Variants in LAMB2 observed in about 807,000 individuals in gnomAD.
LAMB2 encodes the protein laminin subunit beta 2, also known as laminin subunit beta-2.
A neutral mutation model predicts 202.7 loss-of-function variants in LAMB2; 119 were observed. That is an observed-to-expected ratio of 0.59 (90% CI 0.51 to 0.68). The LOEUF is 0.68. Ranked by LOEUF, LAMB2 falls within the 30% of genes least tolerant of loss-of-function variation. The probability of loss-of-function intolerance (pLI) is 0.00; values close to 1 mark genes in which losing one functional copy is unlikely to be tolerated. For missense variants in LAMB2, 2,124 were observed against 2,410.6 expected, an observed-to-expected ratio of 0.88 and a Z score of 2.49; for synonymous variants, 818 against 902.2, an observed-to-expected ratio of 0.91 and a Z score of 1.67.
Position 49,122,891 on chromosome 3 carries a change from C to A in LAMB2, c.4386G>T (p.Glu1462Asp), listed in dbSNP as rs774693642. ...CACCTTCTGCCAGTGCCCGCTGCAG[C>A]TCTGCCTGTGTGTGCCGGGCCCGGC... ...ALGRARHTQA[E>D]LQRALAEGGS... The change falls in exon 27 of 32, where the codon GAG (glutamate) becomes GAT (aspartate). Residue 1462 changes from glutamate (E) to aspartate (D), a missense_variant. Transcript: ENST00000305544. The A allele has an allele frequency of 1.9e-6, 3 of 1,610,164 alleles. No individual in the cohort carries two copies. In the South Asian group the frequency reaches 3.3e-5, roughly 18 times the overall value.
At position 49,123,495 on chromosome 3, in the gene LAMB2, G is replaced by T; in HGVS notation, c.3934C>A (p.Arg1312=). 6.2e-7 allele frequency: 1 copy of T among 1,614,154 alleles called. No homozygotes were observed. Among genetic ancestry groups the T allele is most frequent in the Non-Finnish European group, 8.5e-7 (1 of 1,180,042 alleles). ...AAGTCAAGATGCTGGTCGAGCTGCCGCAGTGTGAGATTAAGTGCAAGCCTA... is the reference window on the plus strand; with the variant it reads ...AAGTCAAGATGCTGGTCGAGCTGCCTCAGTGTGAGATTAAGTGCAAGCCTA... The part of the protein sequence containing the change: ...RDRLALNLTL[R]QLDQHLDLLK... The change falls in exon 25 of 32, where the codon CGG becomes AGG. Residue 1312 remains arginine (R), a synonymous_variant. Coordinates refer to ENST00000305544, the MANE Select transcript of LAMB2 (RefSeq NM_002292.4).
In LAMB2 at chr3:49,124,964, A is replaced by T. The variant is rs750117203; in HGVS notation, c.2885-39T>A. On this transcript the variant is annotated intron_variant, in intron 20 of 31. Coordinates refer to ENST00000305544, the MANE Select transcript of LAMB2 (RefSeq NM_002292.4). ...AGAGGAAGCTGTGAGTGCTCAGCCC[A>T]GCCAACTCACCCTGATCCCACGCCT... is the stretch of plus-strand genomic sequence containing the variant. 1.9e-6 allele frequency: 3 copies of T among 1,613,918 alleles called. No individual in the cohort carries two copies. In the East Asian group the frequency reaches 6.7e-5, roughly 36 times the overall value.
At position 49,131,702 on chromosome 3, in the gene LAMB2, G is replaced by C; in HGVS notation, c.481C>G (p.Leu161Val). The change falls in exon 5 of 32, where the codon CTG (leucine) becomes GTG (valine). Residue 161 changes from leucine to valine, a missense_variant. Transcript: ENST00000305544. The surrounding 1 kb of genome is among the most constrained non-coding windows in gnomAD (Gnocchi z 5.0). ...TFKTFRPAAM[L>V]VERSADFGRT... Reference sequence around the variant, plus strand: ...CCAAAGTCTGCTGAGCGTTCCACCAGCATGGCAGCAGGGCGAAATGTCTGG... The same window carrying C: ...CCAAAGTCTGCTGAGCGTTCCACCACCATGGCAGCAGGGCGAAATGTCTGG... The C allele has an allele frequency of 6.2e-7, 1 of 1,613,432 alleles. No homozygotes were observed. Among genetic ancestry groups the C allele is most frequent in the East Asian group, 2.2e-5 (1 of 44,878 alleles).
rs763809676 is a variant in LAMB2 at position 49,123,896 on chromosome 3, C to T, written c.3629G>A (p.Arg1210His). Residue 1210 changes from arginine to histidine, a missense_variant, in exon 24 of 32, where the codon CGC becomes CAC. Coordinates refer to ENST00000305544, the MANE Select transcript of LAMB2 (RefSeq NM_002292.4). ...CAACTCCTGCGCCCGCTGCTCTAGGCGCTGTGTACGGGCTGCCAAGTCCTG... is the reference window on the plus strand; with the variant it reads ...CAACTCCTGCGCCCGCTGCTCTAGGTGCTGTGTACGGGCTGCCAAGTCCTG... ...VVQDLAARTQRLEQRAQELQQ... is the reference protein window; with the variant it reads ...VVQDLAARTQHLEQRAQELQQ... 1.1e-5 allele frequency: 18 copies of T among 1,613,442 alleles called. No homozygotes were observed. The highest frequency in any genetic ancestry group is 1.2e-5 in the Non-Finnish European group (14 of 1,180,026).
Position 49,121,790 on chromosome 3 carries a change from G to A in LAMB2, c.4994C>T (p.Ala1665Val). 3 of 1,613,324 alleles carry A rather than the reference G, an allele frequency of 1.9e-6. No individual in the cohort carries two copies. Among genetic ancestry groups the A allele is most frequent in the Non-Finnish European group, 2.5e-6 (3 of 1,180,038 alleles). Residue 1665 changes from alanine to valine, a missense_variant, in exon 30 of 32, where the codon GCT becomes GTT. Ala to Val is a moderately conservative substitution (Grantham distance 64). This residue lies in a region of LAMB2 where 1,702 missense variants were observed against 1,896.3 expected (regional missense o/e 0.90). Transcript: ENST00000305544. The stretch of plus-strand genomic sequence containing the variant: ...TTTCAATTTCAGAGCCTCCAGGAGA[G>A]CATCCAACTGCCGAGCCCTTTCACC... ...SAGERARQLD[A>V]LLEALKLKRA...
At chr3:49,125,543 TG>T in intron 18 of LAMB2, 59 bp from the exon 19 acceptor site, 1 of 818,654 alleles carries the variant, frequency 1.2e-6, no homozygotes, top group Non-Finnish European at 1.8e-6. Context: ...GGAGTGTGGG[TG>T]GGGGAGGGTC....
intron 13 of LAMB2, 92 bp from the exon 14 acceptor site, chr3:49,128,911 C>A (rs1338028506): frequency 1.3e-6 from 2 of 1,597,764 alleles, no homozygotes; most frequent in East Asian, 4.5e-5. Flanking sequence ...CCTGCCAAAG[C>A]TAGATATCAC....
chr3:49,124,359 C>T lies in LAMB2; in HGVS notation c.3327+36G>A, dbSNP rs972093139. The T allele has an allele frequency of 8.7e-6, 14 of 1,612,370 alleles. No individual in the cohort carries two copies. In the African/African-American group the frequency reaches 1.9e-4, roughly 22 times the overall value. On this transcript the variant is annotated intron_variant, in intron 22 of 31. Transcript: ENST00000305544. ...CCTGGAGATAAGACAGACACCTGGC[C>T]CCATCTAACCAGGGATCTGCAGGAG...
At chr3:49,125,681 G>A in intron 18 of LAMB2, 66 bp downstream of exon 18, 2 of 1,587,336 alleles carry the variant, frequency 1.3e-6, no homozygotes, top group Non-Finnish European at 1.7e-6. Context: ...AGGTCCAGAA[G>A]GAGGAGAGAG....
chr3:49,122,952 C>T lies in LAMB2; in HGVS notation c.4325G>A (p.Cys1442Tyr), dbSNP rs1224302695. The T allele has an allele frequency of 8.1e-6, 13 of 1,608,804 alleles. No individual in the cohort carries two copies. The highest frequency in any genetic ancestry group is 1.6e-4 in the Middle Eastern group (1 of 6,084). The change falls in exon 27 of 32, where the codon TGC (cysteine) becomes TAC (tyrosine). Residue 1442 changes from cysteine (C) to tyrosine (Y), a missense_variant. This residue lies in a region of LAMB2 where 1,702 missense variants were observed against 1,896.3 expected (regional missense o/e 0.90). Coordinates refer to ENST00000305544, the MANE Select transcript of LAMB2 (RefSeq NM_002292.4). ...GTCTGCTGTAGCCGCTGCCCCATTG[C>T]AGCTGAGGCCCCCACAGCGCGGCTG... Reference protein sequence around the residue: ...DGQPRCGGLSCNGAAATADLA... With the variant: ...DGQPRCGGLSYNGAAATADLA...
chr3:49,131,250 T>C lies in LAMB2; in HGVS notation c.713-98A>G. 6.8e-7 allele frequency: 1 copy of C among 1,465,742 alleles called. No individual in the cohort carries two copies. The highest frequency in any genetic ancestry group is 1.2e-5 in the South Asian group (1 of 86,152). The allele number at this position is 1,465,742 out of a possible 1,614,324, so 90.8% of individuals were successfully genotyped here. On this transcript the variant is annotated intron_variant, in intron 6 of 31. Coordinates refer to ENST00000305544, the MANE Select transcript of LAMB2 (RefSeq NM_002292.4). This position sits in a 1 kb window ranked among gnomAD's most constrained non-coding sequence, Gnocchi z 5.0. ...GCCAAGGTCACCTTGAAAGACCTCC[T>C]ATACACTGCCACCCGAGCTAAACTG...
rs373720031 is a variant in LAMB2, at chr3:49,128,836, C to T, written c.1732-17G>A. On this transcript the variant is annotated splice_polypyrimidine_tract_variant and intron_variant, in intron 13 of 31. Coordinates refer to ENST00000305544, the MANE Select transcript of LAMB2 (RefSeq NM_002292.4). ...ATCGAGCACCTGGGAGATAATGCAG[C>T]CAGGGATGGAGGCTCAGGTGAGGCT... is the stretch of plus-strand genomic sequence containing the variant. 21 of 1,610,172 alleles carry T rather than the reference C, an allele frequency of 1.3e-5. No homozygotes were observed. The highest frequency in any genetic ancestry group is 1.5e-5 in the Non-Finnish European group (18 of 1,177,440).
At chr3:49,128,424 CT>C in intron 15 of LAMB2, 33 bp downstream of exon 15, 1 of 1,609,180 alleles carries the variant, frequency 6.2e-7, no homozygotes, top group Non-Finnish European at 8.5e-7. Flanking sequence ...CCACAACCCC[CT>C]GCCATTGTGA....
chr3:49,129,697 C>A lies in LAMB2; in HGVS notation c.1425G>T (p.Arg475=), dbSNP rs2045460445. 1.2e-6 allele frequency: 2 copies of A among 1,613,988 alleles called. No individual in the cohort carries two copies. Among genetic ancestry groups the A allele is most frequent in the African/African-American group, 2.7e-5 (2 of 75,034 alleles). ...LGCRRCQCNA[R]GTVPGSTPCD... Reference sequence around the variant, plus strand: ...AAGGAGTGCTCCCAGGCACTGTGCCCCGTGCATTACATTGACATCCTGCAG... The same window carrying A: ...AAGGAGTGCTCCCAGGCACTGTGCCACGTGCATTACATTGACATCCTGCAG... Residue 475 remains arginine, a synonymous_variant, in exon 11 of 32, where the codon CGG becomes CGT. Transcript: ENST00000305544. This position sits in a 1 kb window ranked among gnomAD's most constrained non-coding sequence, Gnocchi z 6.1.
chr3:49,125,099 C>T lies in LAMB2; in HGVS notation c.2791G>A (p.Glu931Lys). 1 of 1,613,884 alleles carries T rather than the reference C, an allele frequency of 6.2e-7. No homozygotes were observed. The highest frequency in any genetic ancestry group is 1.1e-5 in the South Asian group (1 of 91,090). Residue 931 changes from glutamate to lysine, a missense_variant, in exon 20 of 32, where the codon GAA (glutamate) becomes AAA (lysine). Physicochemically the swap from Glu to Lys is moderately conservative, Grantham distance 56. Transcript: ENST00000305544. ...GGQCRPCPCP[E>K]GPGSQRHFAT... ...AAGTGCCGTTGGCTCCCAGGGCCTTCAGGACAGGGACAGGGCCGGCACTGG... is the reference window on the plus strand; with the variant it reads ...AAGTGCCGTTGGCTCCCAGGGCCTTTAGGACAGGGACAGGGCCGGCACTGG...
At chr3:49,123,111 C>T (rs761954508) in intron 26 of LAMB2, 21 bp downstream of exon 26, 2 of 1,608,978 alleles carry the variant, frequency 1.2e-6, no homozygotes, top group Non-Finnish European at 1.7e-6. Flanking sequence ...CCACCTGCCC[C>T]ACCCAACACT....
Position 49,130,763 on chromosome 3 carries a change from T to C in LAMB2, c.1013A>G (p.Asp338Gly). 3.1e-6 allele frequency: 5 copies of C among 1,614,118 alleles called. No individual in the cohort carries two copies. The highest frequency in any genetic ancestry group is 4.2e-6 in the Non-Finnish European group (5 of 1,180,028). ...YRDLPWRPAE[D>G]GHSHACRKCE... ...ACTCCTACAGGCATGACTATGGCCGTCCTCAGCCGGACGCCAGGGCAGGTC... is the reference window on the plus strand; with the variant it reads ...ACTCCTACAGGCATGACTATGGCCGCCCTCAGCCGGACGCCAGGGCAGGTC... Residue 338 changes from aspartate to glycine, a missense_variant, in exon 8 of 32, where the codon GAC (aspartate) becomes GGC (glycine). Asp to Gly is a moderately conservative substitution (Grantham distance 94). This residue lies in a region of LAMB2 where 256 missense variants were observed against 356.1 expected (regional missense o/e 0.72). Transcript: ENST00000305544. This position sits in a 1 kb window ranked among gnomAD's most constrained non-coding sequence, Gnocchi z 5.0.
Position 49,131,312 on chromosome 3 carries a change from TA to T in LAMB2, c.712+66del, listed in dbSNP as rs1303687160. On this transcript the variant is annotated intron_variant, in intron 6 of 31. Transcript: ENST00000305544. This position sits in a 1 kb window ranked among gnomAD's most constrained non-coding sequence, Gnocchi z 5.0. ...TGCCCTAGGAAGCACCCAAAATAGT[TA>T]CTGAGGCCCCAAATAGTCCCTAGCC... 51 of 1,567,446 alleles carry T rather than the reference TA, an allele frequency of 3.3e-5. No individual in the cohort carries two copies. The highest frequency in any genetic ancestry group is 4.5e-5 in the Non-Finnish European group (51 of 1,141,280).
At chr3:49,124,336 T>C (rs1301884410) in intron 22 of LAMB2, 50 bp from the exon 23 acceptor site, 6 of 1,613,270 alleles carry the variant, frequency 3.7e-6, no homozygotes, top group Non-Finnish European at 5.1e-6. Flanking sequence ...GGCTAAGCCC[T>C]GGAGATAAGA....
Sources: allele counts gnomAD v4.1 joint callset, GRCh38; gene constraint gnomAD v4.1.1; regional missense constraint gnomAD v4.1.1; non-coding constraint Gnocchi (gnomAD v3.1); transcripts MANE v1.5; gene names NCBI Gene and HGNC (gene_info 2026-07-23, HGNC 2026-07-21).